The following PTPRR variants were observed in gnomAD, a reference collection of about 807,000 sequenced individuals.
The protein encoded by PTPRR is protein tyrosine phosphatase receptor type R.
Under a neutral mutation model 77.2 loss-of-function variants are expected in PTPRR, and 38 were observed. That is an observed-to-expected ratio of 0.49 (90% CI 0.38 to 0.65). The LOEUF (loss-of-function observed/expected upper bound fraction) is 0.65, where lower values mean the gene tolerates loss of function less well. PTPRR is among the 30% of genes least tolerant of loss of function. The pLI is 0.00. For synonymous variants in PTPRR, 299 were observed against 283.1 expected (o/e 1.06, Z -0.57); for missense variants, 744 against 799.2 (o/e 0.93, Z 0.83).
intron 2 of PTPRR, among the ~76,000 whole-genome samples, chr12:70,839,481 T>C (rs1892359730): frequency 2.0e-5 from 3 of 152,330 alleles, no homozygotes; most frequent in Non-Finnish European, 2.9e-5. Context: ...ATGCTTCATT[T>C]GTGAAGTTAT....
intron 2 of PTPRR, among the ~76,000 whole-genome samples, chr12:70,853,954 C>A (rs1336107967): frequency 2.0e-5 from 3 of 152,162 alleles, no homozygotes; most frequent in Non-Finnish European, 4.4e-5. Context: ...GTTTGTGACT[C>A]AACAACAAAT....
Position 70,684,791 on chromosome 12 carries a change from A to T in PTPRR, c.1280-8T>A. The T allele has an allele frequency of 6.3e-7, 1 of 1,576,066 alleles. No homozygotes were observed. On this transcript the variant is annotated splice_polypyrimidine_tract_variant and splice_region_variant and intron_variant, in intron 8 of 13. Coordinates refer to ENST00000283228, the MANE Select transcript of PTPRR (RefSeq NM_002849.4). The stretch of plus-strand genomic sequence containing the variant: ...ACACTCTGCTGAGGGGATCTAATGA[A>T]GAAAACAAAAAAGAATATATTAAAC...
At chr12:70,811,894 A>C (rs560052262) in intron 2 of PTPRR, among the ~76,000 whole-genome samples, 1 of 152,330 alleles carries the variant, frequency 6.6e-6, no homozygotes, top group African/African-American at 2.4e-5. Flanking sequence ...GCCTGATTCC[A>C]AAGCAGCCAA....
In PTPRR at chr12:70,639,240, C is replaced by G. The variant is rs148985742; in HGVS notation, c.1918G>C (p.Val640Leu). Residue 640 changes from valine (V) to leucine (L), a missense_variant, in exon 14 of 14, where the codon GTG becomes CTG. Val to Leu is a conservative substitution (Grantham distance 32, BLOSUM62 1). Around this residue, in one of 3 missense-constraint regions of PTPRR, gnomAD observed 170 missense variants for 209.8 expected, o/e 0.81. Coordinates refer to ENST00000283228, the MANE Select transcript of PTPRR (RefSeq NM_002849.4). ...TCATACAGGCACAGAGCATGGTGCACAAATTCATACTGCTCACTGGTTTGC... is the reference window on the plus strand; with the variant it reads ...TCATACAGGCACAGAGCATGGTGCAGAAATTCATACTGCTCACTGGTTTGC... ...MVQTSEQYEF[V>L]HHALCLYESR... The G allele has an allele frequency of 6.2e-7, 1 of 1,613,444 alleles. No individual in the cohort carries two copies. The highest frequency in any genetic ancestry group is 1.3e-5 in the African/African-American group (1 of 74,920).
intron 2 of PTPRR, among the ~76,000 whole-genome samples, chr12:70,873,274 G>A (rs986872263): frequency 3.3e-5 from 5 of 152,162 alleles, no homozygotes; most frequent in African/African-American, 1.2e-4. Flanking sequence ...ATGTGGAACT[G>A]AGCCTTGAGA....
rs1489430742 is a variant in PTPRR, at chr12:70,698,358, A to G, written c.1195-9T>C. 1 of 1,608,052 alleles carries G rather than the reference A, an allele frequency of 6.2e-7. No homozygotes were observed. The highest frequency in any genetic ancestry group is 8.5e-7 in the Non-Finnish European group (1 of 1,175,130). On this transcript the variant is annotated splice_polypyrimidine_tract_variant and intron_variant, in intron 7 of 13. Transcript: ENST00000283228. ...AAGTTCATTGGTATTTCCTGCAAAA[A>G]TAAATAATATCAAATTAGTGTATCT...
intron 2 of PTPRR, among the ~76,000 whole-genome samples, chr12:70,875,980 G>T (rs935910660): frequency 6.6e-6 from 1 of 152,020 alleles, no homozygotes; most frequent in Admixed American, 6.6e-5. Flanking sequence ...TCACCTCCCT[G>T]GTCAGCAAAA....
rs553054414 is a variant in PTPRR, at chr12:70,670,755, T to C, written c.1498-8150A>G. Among the ~76,000 whole-genome samples the C allele has an allele frequency of 2.6e-4, 39 of 152,336 alleles. 1 individual carries two copies. Among genetic ancestry groups the C allele is most frequent in the East Asian group, 1.7e-3 (9 of 5,180 alleles). Reference sequence around the variant, plus strand: ...CCAGCTTTATAGGTTTAAGCCACTATGTCTTCTCTAGCAGTGGAATTTGAA... The same window carrying C: ...CCAGCTTTATAGGTTTAAGCCACTACGTCTTCTCTAGCAGTGGAATTTGAA... On this transcript the variant is annotated intron_variant, in intron 10 of 13. Transcript: ENST00000283228.
chr12:70,672,735 T>C (rs1887281162), intron 10 of PTPRR: 1 of 1,548,456 alleles, frequency 6.5e-7, no homozygotes, highest in Non-Finnish European at 8.8e-7. Context: ...ACCCAGGGGA[T>C]GTCATCCTGA....
intron 6 of PTPRR, among the ~76,000 whole-genome samples, chr12:70,712,717 C>T (rs930759277): frequency 2.0e-5 from 3 of 151,618 alleles, no homozygotes; most frequent in Admixed American, 1.3e-4. Context: ...GAAATATATC[C>T]CTTTGCTTTT....
At chr12:70,854,459 C>T (rs972498880) in intron 2 of PTPRR, among the ~76,000 whole-genome samples, 1 of 152,230 alleles carries the variant, frequency 6.6e-6, no homozygotes, top group South Asian at 2.1e-4. Context: ...TCATAAGGCT[C>T]TCAGAGTCTT....
intron 2 of PTPRR, among the ~76,000 whole-genome samples, chr12:70,803,174 T>C (rs898969687): frequency 1.1e-4 from 17 of 152,268 alleles, no homozygotes; most frequent in African/African-American, 4.1e-4. Flanking sequence ...ATGAGCCAAA[T>C]TGCTGGATTG....
chr12:70,829,042 G>C (rs1892165353), intron 2 of PTPRR, among the ~76,000 whole-genome samples: 1 of 152,176 alleles, frequency 6.6e-6, no homozygotes, highest in African/African-American at 2.4e-5. Flanking sequence ...AGTCCACAGA[G>C]ACTGTGGACT....
chr12:70,764,822 T>G (rs1329707026), intron 2 of PTPRR, 44 bp from the exon 3 acceptor site: 1 of 1,401,904 alleles, frequency 7.1e-7, no homozygotes, highest in African/African-American at 1.4e-5. Context: ...TAGTATTAAT[T>G]TGTATAGATG....
At chr12:70,662,644 C>T in intron 10 of PTPRR, 39 bp from the exon 11 acceptor site, 1 of 1,227,618 alleles carries the variant, frequency 8.1e-7, no homozygotes, top group Non-Finnish European at 1.2e-6. Flanking sequence ...ATATTAATGG[C>T]TTTTATTAGC....
chr12:70,703,101 T>C (rs1337612176), intron 6 of PTPRR, among the ~76,000 whole-genome samples: 2 of 152,084 alleles, frequency 1.3e-5, no homozygotes, highest in South Asian at 2.1e-4. Flanking sequence ...ACAATAATTA[T>C]GCTTGTTATT....
At chr12:70,832,300 G>C (rs1051950469) in intron 2 of PTPRR, among the ~76,000 whole-genome samples, 1 of 152,222 alleles carries the variant, frequency 6.6e-6, no homozygotes, top group Non-Finnish European at 1.5e-5. Flanking sequence ...AATTTTTGCT[G>C]TATGGGGAAG....
intron 2 of PTPRR, among the ~76,000 whole-genome samples, chr12:70,820,354 G>A (rs541897749): frequency 7.0e-4 from 107 of 152,188 alleles, no homozygotes; most frequent in African/African-American, 2.5e-3. Context: ...TGGTGAGATG[G>A]AGTCTCACTC....
chr12:70,640,186 G>A (rs1885945616), intron 13 of PTPRR, among the ~76,000 whole-genome samples: 1 of 151,914 alleles, frequency 6.6e-6, no homozygotes, highest in Admixed American at 6.6e-5. Flanking sequence ...TTTAATTTTA[G>A]TTTTTGAGAA....
Sources: allele counts gnomAD v4.1 joint callset (sites outside exome capture counted in the v4.1 genomes callset), GRCh38; gene constraint gnomAD v4.1.1; regional missense constraint gnomAD v4.1.1; transcripts MANE v1.5; gene names NCBI Gene and HGNC (gene_info 2026-07-23, HGNC 2026-07-21).